The following LRMDA variants were observed in gnomAD, a reference collection of about 807,000 sequenced individuals.
LRMDA encodes the protein leucine-rich melanocyte differentiation-associated protein.
In LRMDA, 18 loss-of-function variants were observed where a neutral mutation model predicts 29.8. The ratio of observed to expected loss-of-function variants is 0.60; its 90% CI spans 0.42 to 0.90. The LOEUF (loss-of-function observed/expected upper bound fraction) is 0.90, where lower values mean the gene tolerates loss of function less well. Among genes scored for constraint, LRMDA ranks in the 40% least tolerant of loss-of-function variants. The pLI, the probability that LRMDA is intolerant of heterozygous loss-of-function variation, is 0.00. For synonymous variants in LRMDA, 125 were observed against 109.4 expected (o/e 1.14, Z -0.89); for missense variants, 273 against 273.9 (o/e 1.00, Z 0.02).
intron 2 of LRMDA, among the ~76,000 whole-genome samples, chr10:75,736,195 C>T (rs146902011): frequency 2.7e-4 from 41 of 152,324 alleles, no homozygotes; most frequent in African/African-American, 9.9e-4. Flanking sequence ...GTGAGAACAG[C>T]AGGCAAGACT....
intron 6 of LRMDA, among the ~76,000 whole-genome samples, chr10:76,418,841 G>A (rs988430053): frequency 1.3e-5 from 2 of 151,886 alleles, no homozygotes; most frequent in Non-Finnish European, 2.9e-5. Context: ...TAAATATTTT[G>A]TGCCTCTGTA....
At chr10:76,015,068 G>T (rs1847858696) in intron 2 of LRMDA, among the ~76,000 whole-genome samples, 1 of 152,226 alleles carries the variant, frequency 6.6e-6, no homozygotes, top group Non-Finnish European at 1.5e-5. Flanking sequence ...TGTATCTTCA[G>T]TTAGTTAAGT....
At chr10:76,352,476 A>G (rs942427598) in intron 6 of LRMDA, among the ~76,000 whole-genome samples, 2 of 152,098 alleles carry the variant, frequency 1.3e-5, no homozygotes, top group Non-Finnish European at 2.9e-5. Context: ...GGCCGATTCT[A>G]TATACAGAAT....
At position 75,706,641 on chromosome 10, in the gene LRMDA, G is replaced by T. The variant is rs533630081; in HGVS notation, c.131+268147G>T. On this transcript the variant is annotated intron_variant, in intron 2 of 6. Coordinates refer to ENST00000611255, the MANE Select transcript of LRMDA (RefSeq NM_001305581.2). Reference sequence around the variant, plus strand: ...ATGAACAGAATGAGGATTGGCATCTGCTGAGCTTGCAGAGTATGTTAGGGA... The same window carrying T: ...ATGAACAGAATGAGGATTGGCATCTTCTGAGCTTGCAGAGTATGTTAGGGA... 7.9e-5 allele frequency among the ~76,000 whole-genome samples: 12 copies of T among 152,146 alleles called. No individual in the cohort carries two copies. In the South Asian group the frequency reaches 2.5e-3, roughly 32 times the overall value.
chr10:76,010,127 A>G (rs1269588791), intron 2 of LRMDA, among the ~76,000 whole-genome samples: 1 of 152,104 alleles, frequency 6.6e-6, no homozygotes, highest in African/African-American at 2.4e-5. Flanking sequence ...GAGCAAGGCT[A>G]GGGAGCCAAA....
intron 2 of LRMDA, among the ~76,000 whole-genome samples, chr10:75,806,189 C>T (rs780835075): frequency 8.5e-5 from 13 of 152,282 alleles, no homozygotes; most frequent in East Asian, 1.9e-4. Flanking sequence ...GAGGGATCCA[C>T]GCCTATGACC....
At chr10:76,285,315 A>G (rs1840258268) in intron 5 of LRMDA, among the ~76,000 whole-genome samples, 2 of 152,114 alleles carry the variant, frequency 1.3e-5, no homozygotes, top group African/African-American at 4.8e-5. Context: ...CTCTACTTAC[A>G]GTTGTCTGCA....
At chr10:76,023,313 G>T (rs1259004589) in intron 2 of LRMDA, among the ~76,000 whole-genome samples, 2 of 152,104 alleles carry the variant, frequency 1.3e-5, no homozygotes, top group African/African-American at 4.8e-5. Context: ...CCTAGTTTGG[G>T]TTGCTCTGAA....
chr10:76,448,220 G>A (rs879119481), intron 6 of LRMDA, among the ~76,000 whole-genome samples: 24 of 151,876 alleles, frequency 1.6e-4, no homozygotes, highest in Admixed American at 4.6e-4. Context: ...TATATATTTC[G>A]TTTTATATCC....
At chr10:75,839,881 T>C (rs1252128012) in intron 2 of LRMDA, among the ~76,000 whole-genome samples, 2 of 152,056 alleles carry the variant, frequency 1.3e-5, no homozygotes, top group Non-Finnish European at 2.9e-5. Flanking sequence ...GCTAAGTTTT[T>C]GTATTTTTAG....
At chr10:75,458,619 A>G (rs1218315495) in intron 2 of LRMDA, among the ~76,000 whole-genome samples, 1 of 152,302 alleles carries the variant, frequency 6.6e-6, no homozygotes, top group South Asian at 2.1e-4. Flanking sequence ...ATTTTGAGGC[A>G]TGATTTTTAT....
chr10:75,774,590 A>T (rs1843285666), intron 2 of LRMDA, among the ~76,000 whole-genome samples: 1 of 152,176 alleles, frequency 6.6e-6, no homozygotes. Context: ...GCAGAAGGAT[A>T]TAGTAGATTT....
chr10:76,431,187 G>A (rs1842186986), intron 6 of LRMDA, among the ~76,000 whole-genome samples: 1 of 152,170 alleles, frequency 6.6e-6, no homozygotes, highest in Admixed American at 6.5e-5. Context: ...AATATTTTCT[G>A]AATGCTTTAA....
At chr10:75,951,135 A>G (rs1428219828) in intron 2 of LRMDA, among the ~76,000 whole-genome samples, 1 of 152,234 alleles carries the variant, frequency 6.6e-6, no homozygotes, top group African/African-American at 2.4e-5. Flanking sequence ...TGGTTCAGCT[A>G]TGATGAGAGG....
At chr10:76,542,072 TG>T (rs1448243635) in intron 6 of LRMDA, among the ~76,000 whole-genome samples, 225 of 152,226 alleles carry the variant, frequency 1.5e-3, no homozygotes, top group African/African-American at 5.1e-3. Context: ...TGTGTGTGTG[TG>T]TGTGTGTAGG....
chr10:76,197,170 A>C (rs533200053), intron 5 of LRMDA, among the ~76,000 whole-genome samples: 1 of 152,186 alleles, frequency 6.6e-6, no homozygotes, highest in Non-Finnish European at 1.5e-5. Context: ...TCTATCTTTA[A>C]TGCTTTCATA....
At chr10:75,487,704 T>C (rs1376050142) in intron 2 of LRMDA, among the ~76,000 whole-genome samples, 1 of 152,114 alleles carries the variant, frequency 6.6e-6, no homozygotes, top group Non-Finnish European at 1.5e-5. Flanking sequence ...TGACCACAAC[T>C]CTCCACAAGC....
chr10:75,885,945 T>C (rs1845380381), intron 2 of LRMDA, among the ~76,000 whole-genome samples: 1 of 152,220 alleles, frequency 6.6e-6, no homozygotes, highest in African/African-American at 2.4e-5. Context: ...GCTGAATAGA[T>C]GAATGAATAA....
intron 6 of LRMDA, among the ~76,000 whole-genome samples, chr10:76,460,523 A>G (rs1842501131): frequency 6.6e-6 from 1 of 152,244 alleles, no homozygotes; most frequent in Non-Finnish European, 1.5e-5. Context: ...ACAGATGATC[A>G]CATATCGTGA....
Sources: allele counts gnomAD v4.1 joint callset (sites outside exome capture counted in the v4.1 genomes callset), GRCh38; gene constraint gnomAD v4.1.1; transcripts MANE v1.5; gene names NCBI Gene and HGNC (gene_info 2026-07-23, HGNC 2026-07-21).